Variants in ZNF365 observed in about 807,000 individuals in gnomAD.
The protein encoded by ZNF365 is zinc finger protein 365.
A neutral mutation model predicts 35.0 loss-of-function variants in ZNF365; 22 were observed. That is an observed-to-expected ratio of 0.63 (90% CI 0.45 to 0.90). The LOEUF (loss-of-function observed/expected upper bound fraction) is 0.90. Ranked by LOEUF, ZNF365 falls within the 40% of genes least tolerant of loss-of-function variation. ZNF365 has a pLI of 0.00. For missense variants in ZNF365, 448 were observed against 500.3 expected (o/e 0.90, Z 1.00); for synonymous variants, 188 against 196.2 (o/e 0.96, Z 0.35).
At chr10:62,467,310 C>A (rs1374614161) in intron 4 of ZNF365, among the ~76,000 whole-genome samples, 1 of 151,898 alleles carries the variant, frequency 6.6e-6, no homozygotes, top group African/African-American at 2.4e-5. Context: ...GTTCCAATAC[C>A]CTTGATCTTT....
At chr10:62,428,991 G>A (rs376047559) in intron 3 of ZNF365, among the ~76,000 whole-genome samples, 2 of 152,186 alleles carry the variant, frequency 1.3e-5, no homozygotes, top group African/African-American at 4.8e-5. Flanking sequence ...GTTGGAATGA[G>A]AGGCACGCAG....
intron 3 of ZNF365, among the ~76,000 whole-genome samples, chr10:62,390,788 C>T (rs1321956238): frequency 6.6e-6 from 1 of 152,146 alleles, no homozygotes; most frequent in Non-Finnish European, 1.5e-5. Context: ...ACCTGTACAG[C>T]ATGTTACTGT....
intron 1 of ZNF365, among the ~76,000 whole-genome samples, chr10:62,374,759 C>G (rs1377768794): frequency 6.6e-6 from 1 of 152,222 alleles, no homozygotes; most frequent in Non-Finnish European, 1.5e-5. Flanking sequence ...TGGGTTTCCT[C>G]TGGGCCCATA....
At chr10:62,448,238 T>C (rs1378565998) in intron 3 of ZNF365, among the ~76,000 whole-genome samples, 2 of 152,214 alleles carry the variant, frequency 1.3e-5, no homozygotes, top group Non-Finnish European at 2.9e-5. Flanking sequence ...AATGCACATA[T>C]CTTAAGGGTA....
At chr10:62,406,119 C>T (rs1045759253), downstream of ZNF365, among the ~76,000 whole-genome samples, 3 of 152,142 alleles carry the variant, frequency 2.0e-5, no homozygotes, top group African/African-American at 2.4e-5. Context: ...GCCCCGCATG[C>T]CCTGGCTCTG....
downstream of ZNF365, among the ~76,000 whole-genome samples, chr10:62,405,763 T>G (rs910038773): frequency 1.3e-5 from 2 of 152,218 alleles, no homozygotes; most frequent in African/African-American, 4.8e-5. Context: ...TCACATTGGT[T>G]GTTTGCTGAC....
chr10:62,475,616 T>C (rs1428285919), intron 4 of ZNF365, among the ~76,000 whole-genome samples: 5 of 152,144 alleles, frequency 3.3e-5, no homozygotes, highest in Non-Finnish European at 7.4e-5. Flanking sequence ...CACTCTTTTC[T>C]CAAGCTCACC....
chr10:62,398,697 C>T, intron 3 of ZNF365, 43 bp from the exon 4 acceptor site: 1 of 1,581,130 alleles, frequency 6.3e-7, no homozygotes, highest in Non-Finnish European at 8.6e-7. Flanking sequence ...CAAATCCAGT[C>T]CTCAAATGCA....
At position 62,376,206 on chromosome 10, in the gene ZNF365, G is replaced by C. The variant is rs371518407; in HGVS notation, c.13G>C (p.Ala5Pro). 19 of 1,613,920 alleles carry C rather than the reference G, an allele frequency of 1.2e-5. No individual in the cohort carries two copies. Among genetic ancestry groups the C allele is most frequent in the Admixed American group, 3.3e-5 (2 of 60,002 alleles). Residue 5 changes from alanine to proline, a missense_variant, in exon 2 of 5, where the codon GCT (alanine) becomes CCT (proline). Physicochemically the swap from Ala to Pro is conservative, Grantham distance 27. Coordinates refer to ENST00000395254, the MANE Select transcript of ZNF365 (RefSeq NM_014951.3). ...GACTTTTAGAGTAATGCAACAGAAG[G>C]CTTTTGAGGAAAGCAGATATCCCTG... is the stretch of plus-strand genomic sequence containing the variant. MQQK[A>P]FEESRYPWQE...
At chr10:62,386,972 T>C (rs1016745910) in intron 2 of ZNF365, among the ~76,000 whole-genome samples, 1 of 152,210 alleles carries the variant, frequency 6.6e-6, no homozygotes, top group African/African-American at 2.4e-5. Context: ...TAGAATCTTG[T>C]GTAAGTTGAA....
chr10:62,408,048 A>G (rs1056469744), intron 3 of ZNF365, among the ~76,000 whole-genome samples: 3 of 152,160 alleles, frequency 2.0e-5, no homozygotes, highest in African/African-American at 4.8e-5. Context: ...ATCACAATCT[A>G]TTTGCCCTTC....
intron 4 of ZNF365, among the ~76,000 whole-genome samples, chr10:62,478,790 G>A (rs112532575): frequency 0.039 from 5,979 of 152,262 alleles, 142 homozygotes; most frequent in South Asian, 0.078. Flanking sequence ...TAGCCAGGAT[G>A]GTCTCGATCT....
At chr10:62,458,287 T>C (rs184798283) in intron 3 of ZNF365, among the ~76,000 whole-genome samples, 7 of 152,338 alleles carry the variant, frequency 4.6e-5, no homozygotes, top group Admixed American at 2.0e-4. Context: ...CTTTCTCTGC[T>C]CTGTTTCATC....
intron 2 of ZNF365, among the ~76,000 whole-genome samples, chr10:62,379,730 C>G (rs1209491263): frequency 1.3e-5 from 2 of 152,174 alleles, no homozygotes; most frequent in Admixed American, 1.3e-4. Context: ...CTGCATCTGC[C>G]TGGCTGGGTG....
chr10:62,430,020 A>G (rs1840309405), intron 3 of ZNF365, among the ~76,000 whole-genome samples: 1 of 152,236 alleles, frequency 6.6e-6, no homozygotes, highest in Admixed American at 6.5e-5. Context: ...TAACATTGTT[A>G]GTAACATTGT....
At position 62,402,241 on chromosome 10, in the gene ZNF365, A is replaced by C. The variant is rs1839841370; in HGVS notation, c.*2452A>C. 1.0e-6 allele frequency: 1 copy of C among 985,816 alleles called. No homozygotes were observed. The highest frequency in any genetic ancestry group is 1.7e-5 in the African/African-American group (1 of 57,234). 61.1% of individuals were successfully genotyped at this position (985,816 alleles called of 1,614,324 possible). ...AATTTTATTTGTCTTGTAGGGAAGAAATCTTCCTTTGAACCGCTTTTCTTG... is the reference window on the plus strand; with the variant it reads ...AATTTTATTTGTCTTGTAGGGAAGACATCTTCCTTTGAACCGCTTTTCTTG... On this transcript the variant is annotated 3_prime_UTR_variant, in exon 5 of 5. Transcript: ENST00000395254.
chr10:62,393,824 A>G (rs1399955426), intron 3 of ZNF365, among the ~76,000 whole-genome samples: 6 of 152,342 alleles, frequency 3.9e-5, no homozygotes, highest in African/African-American at 1.4e-4. Context: ...AGAGCTGTGT[A>G]TGAGTGGGGC....
chr10:62,438,521 A>C (rs1245296853), intron 3 of ZNF365, among the ~76,000 whole-genome samples: 1 of 152,126 alleles, frequency 6.6e-6, no homozygotes, highest in Non-Finnish European at 1.5e-5. Flanking sequence ...GAAAGACTAC[A>C]AAAACCAGGT....
intron 3 of ZNF365, among the ~76,000 whole-genome samples, chr10:62,447,299 A>AT (rs965766115): frequency 1.5e-4 from 23 of 152,062 alleles, no homozygotes; most frequent in East Asian, 3.9e-4. Context: ...TAAACTAAAA[A>AT]ATATATATAT....
Sources: allele counts gnomAD v4.1 joint callset (sites outside exome capture counted in the v4.1 genomes callset), GRCh38; gene constraint gnomAD v4.1.1; transcripts MANE v1.5; gene names NCBI Gene and HGNC (gene_info 2026-07-23, HGNC 2026-07-21).